The following ASTN2 variants were observed in gnomAD, a reference collection of about 807,000 sequenced individuals.
ASTN2 encodes the protein astrotactin-2.
Under a neutral mutation model 139.8 loss-of-function variants are expected in ASTN2, and 54 were observed. That is an observed-to-expected ratio of 0.39 (90% CI 0.31 to 0.48). ASTN2 has a LOEUF of 0.48. ASTN2 is among the 20% of genes least tolerant of loss of function. The probability of loss-of-function intolerance (pLI) is 0.95; values close to 1 mark genes in which losing one functional copy is unlikely to be tolerated. For synonymous variants in ASTN2, 756 were observed against 719.5 expected (o/e 1.05, Z -0.81); for missense variants, 1,565 against 1,725.1 (o/e 0.91, Z 1.64).
At chr9:116,974,009 T>C (rs755439894) in intron 10 of ASTN2, among the ~76,000 whole-genome samples, 33 of 152,286 alleles carry the variant, frequency 2.2e-4, no homozygotes, top group African/African-American at 7.7e-4. Flanking sequence ...ACTGATAGCA[T>C]TGTGATTTAG....
rs1832689075 is a variant in ASTN2, at chr9:117,225,591, G to A, written c.631-10849C>T. Among the ~76,000 whole-genome samples the A allele has an allele frequency of 2.0e-5, 2 of 101,306 alleles. 1 individual carries two copies. Among genetic ancestry groups the A allele is most frequent in the African/African-American group, 6.7e-5 (2 of 29,858 alleles). 66.5% of individuals were successfully genotyped at this position (101,306 alleles called of 152,430 possible). A position where few individuals can be genotyped will look rare whatever the true frequency, so the allele number is the denominator to read the frequency against. ...TATATATATACAGATGAACCCAAGT[G>A]GCCAGAGAGGAGCTTTGCCCTCATT... On this transcript the variant is annotated intron_variant, in intron 2 of 22. Coordinates refer to ENST00000313400, the MANE Select transcript of ASTN2 (RefSeq NM_001365068.1).
intron 2 of ASTN2, among the ~76,000 whole-genome samples, chr9:117,234,831 G>A (rs545591071): frequency 2.0e-5 from 3 of 152,332 alleles, no homozygotes; most frequent in African/African-American, 7.2e-5. Context: ...ATTTCAAGGT[G>A]TGTTTCCATT....
At chr9:116,428,584 A>G (rs564775921) in intron 22 of ASTN2, among the ~76,000 whole-genome samples, 1 of 152,168 alleles carries the variant, frequency 6.6e-6, no homozygotes, top group Admixed American at 6.5e-5. Context: ...TGTTCTGAGA[A>G]TTTATGGCTA....
intron 10 of ASTN2, among the ~76,000 whole-genome samples, chr9:116,933,800 C>G (rs2132455597): frequency 6.6e-6 from 1 of 152,018 alleles, no homozygotes; most frequent in African/African-American, 2.4e-5. Flanking sequence ...ACAATACTGA[C>G]AGGATGATGT....
In ASTN2 at chr9:117,143,827, C is replaced by A. The variant is rs1349892384; in HGVS notation, c.1016-2349G>T. 6.0e-5 allele frequency among the ~76,000 whole-genome samples: 9 copies of A among 149,190 alleles called. 1 individual carries two copies. On this transcript the variant is annotated intron_variant, in intron 3 of 22. Transcript: ENST00000313400. ...GAGAAAGAGAGAGAGAAAAAAAAAA[C>A]CTCTCCCTTCCTCTTTTGATAAGGC...
At chr9:117,212,767 T>C (rs1023233605) in intron 3 of ASTN2, among the ~76,000 whole-genome samples, 1 of 152,158 alleles carries the variant, frequency 6.6e-6, no homozygotes, top group African/African-American at 2.4e-5. Flanking sequence ...GAATGGCTAT[T>C]ATAAAAAAGT....
intron 19 of ASTN2, among the ~76,000 whole-genome samples, chr9:116,493,815 C>A (rs1365673508): frequency 2.6e-5 from 4 of 152,050 alleles, no homozygotes; most frequent in Non-Finnish European, 4.4e-5. Flanking sequence ...GGGGTGGGGA[C>A]GGCAAGTTTT....
At chr9:117,055,003 T>C (rs749640660) in intron 5 of ASTN2, among the ~76,000 whole-genome samples, 12 of 152,312 alleles carry the variant, frequency 7.9e-5, no homozygotes, top group Admixed American at 6.5e-4. Flanking sequence ...AATCTAACGC[T>C]GCAGCTGATC....
At chr9:116,996,559 TAAG>T (rs1837022002) in intron 7 of ASTN2, among the ~76,000 whole-genome samples, 1 of 152,054 alleles carries the variant, frequency 6.6e-6, no homozygotes, top group Non-Finnish European at 1.5e-5. Context: ...ACAAGAAAGA[TAAG>T]GAGGAGTGAA....
intron 3 of ASTN2, among the ~76,000 whole-genome samples, chr9:117,212,899 G>C (rs1382508356): frequency 6.6e-6 from 1 of 152,054 alleles, no homozygotes; most frequent in Non-Finnish European, 1.5e-5. Flanking sequence ...ACTACAAAAA[G>C]AACTACCATA....
intron 16 of ASTN2, among the ~76,000 whole-genome samples, chr9:116,676,123 C>A (rs1357769561): frequency 6.6e-6 from 1 of 152,110 alleles, no homozygotes; most frequent in African/African-American, 2.4e-5. Flanking sequence ...CACAAGAGAA[C>A]AGGGTCACGA....
chr9:117,240,885 G>A (rs775913633), intron 2 of ASTN2, among the ~76,000 whole-genome samples: 3 of 151,938 alleles, frequency 2.0e-5, no homozygotes, highest in African/African-American at 4.8e-5. Flanking sequence ...TTATGTTCTC[G>A]GCACTCATTT....
At chr9:116,513,826 A>T (rs904963576) in intron 19 of ASTN2, among the ~76,000 whole-genome samples, 1 of 151,974 alleles carries the variant, frequency 6.6e-6, no homozygotes, top group East Asian at 1.9e-4. Flanking sequence ...TCACGTAGTT[A>T]TCGTGCCATG....
At chr9:116,934,954 C>T (rs1835025414) in intron 10 of ASTN2, among the ~76,000 whole-genome samples, 2 of 152,098 alleles carry the variant, frequency 1.3e-5, no homozygotes, top group Non-Finnish European at 2.9e-5. Context: ...CAGCTGTTTT[C>T]CCGTTCTAGA....
Position 116,442,491 on chromosome 9 carries a change from C to T in ASTN2, c.3560G>A (p.Arg1187Lys). ...GTCATCTACCAGTGGACAGGCCGTC[C>T]TCAGGGTCACCGTGCTTAGCTCTGA... ...RHSELSTVTL[R>K]TACPLVDDNK... Residue 1187 changes from arginine to lysine, a missense_variant, in exon 21 of 23, where the codon AGG becomes AAG. This residue lies in a region of ASTN2 where 418 missense variants were observed against 465.8 expected (regional missense o/e 0.90). Transcript: ENST00000313400. 6.2e-7 allele frequency: 1 copy of T among 1,614,096 alleles called. No homozygotes were observed. Among genetic ancestry groups the T allele is most frequent in the Non-Finnish European group, 8.5e-7 (1 of 1,180,030 alleles).
intron 13 of ASTN2, among the ~76,000 whole-genome samples, chr9:116,766,515 A>G (rs1829813336): frequency 6.6e-6 from 1 of 151,920 alleles, no homozygotes; most frequent in Non-Finnish European, 1.5e-5. Context: ...TAACATACAC[A>G]TAAATGCACA....
At chr9:117,094,555 T>G (rs1828792932) in intron 5 of ASTN2, among the ~76,000 whole-genome samples, 1 of 152,138 alleles carries the variant, frequency 6.6e-6, no homozygotes, top group African/African-American at 2.4e-5. Context: ...AGCTGAGGAT[T>G]GCTTCTCAGT....
At chr9:116,614,804 T>C (rs1477218229) in intron 19 of ASTN2, among the ~76,000 whole-genome samples, 6 of 152,170 alleles carry the variant, frequency 3.9e-5, no homozygotes, top group Admixed American at 3.9e-4. Flanking sequence ...ATTCAGGCCA[T>C]AGGCATGGGC....
intron 3 of ASTN2, among the ~76,000 whole-genome samples, chr9:117,207,775 C>A (rs1831984222): frequency 6.6e-6 from 1 of 152,200 alleles, no homozygotes; most frequent in Non-Finnish European, 1.5e-5. Context: ...AGACCCCAAG[C>A]TGCATGAACA....
Sources: gnomAD v4.1 joint callset for allele counts (sites outside exome capture counted in the v4.1 genomes callset) on GRCh38, gnomAD v4.1.1 for gene constraint, gnomAD v4.1.1 regional missense constraint, MANE v1.5 for transcripts, NCBI Gene and HGNC (gene_info 2026-07-23, HGNC 2026-07-21) for gene names.